EPS15L1: variants seen among roughly 807,000 people sequenced by gnomAD.
EPS15L1 encodes the protein epidermal growth factor receptor substrate 15-like 1.
Under a neutral mutation model 117.1 loss-of-function variants are expected in EPS15L1, and 43 were observed. The ratio of observed to expected loss-of-function variants is 0.37; its 90% CI spans 0.29 to 0.47. EPS15L1 has a LOEUF of 0.47. Ranked by LOEUF, EPS15L1 falls within the 20% of genes least tolerant of loss-of-function variation. EPS15L1 has a pLI of 0.99. For missense variants in EPS15L1, 981 were observed against 1,164.0 expected (o/e 0.84, Z 2.29); for synonymous variants, 459 against 470.5 (o/e 0.98, Z 0.32).
intron 20 of EPS15L1, among the ~76,000 whole-genome samples, 179 bp from the exon 21 acceptor site, chr19:16,385,390 T>A (rs2092409754): frequency 6.6e-6 from 1 of 152,168 alleles, no homozygotes; most frequent in Non-Finnish European, 1.5e-5. Flanking sequence ...CACTCTGGCA[T>A]GGCAAGACGG....
intron 13 of EPS15L1, chr19:16,412,706 C>G (rs1452743272): frequency 3.6e-5 from 2 of 55,794 alleles, no homozygotes; most frequent in Non-Finnish European, 3.0e-5. Flanking sequence ...ACCGGTGCAG[C>G]GGGGGGTGGG....
chr19:16,432,838 G>A (rs1168987880), intron 7 of EPS15L1, among the ~76,000 whole-genome samples: 3 of 152,018 alleles, frequency 2.0e-5, no homozygotes, highest in Non-Finnish European at 4.4e-5. Flanking sequence ...GTCTCAATCC[G>A]GTTGCCCTGG....
chr19:16,468,735 A>G (rs2145214159), intron 1 of EPS15L1, among the ~76,000 whole-genome samples: 1 of 152,344 alleles, frequency 6.6e-6, no homozygotes, highest in South Asian at 2.1e-4. Flanking sequence ...AATCCTAGCC[A>G]GATGCAGTGG....
intron 4 of EPS15L1, among the ~76,000 whole-genome samples, chr19:16,439,423 G>A (rs1157972799): frequency 2.0e-5 from 3 of 152,144 alleles, no homozygotes; most frequent in Non-Finnish European, 4.4e-5. Context: ...CGGGCACGGT[G>A]GCTCATGCCT....
At chr19:16,392,980 T>C (rs965898794) in intron 18 of EPS15L1, among the ~76,000 whole-genome samples, 3 of 151,802 alleles carry the variant, frequency 2.0e-5, no homozygotes, top group Non-Finnish European at 4.4e-5. Flanking sequence ...AGGTCAAGGC[T>C]GCAGTGAGCT....
chr19:16,455,890 C>A (rs1029835433), intron 1 of EPS15L1, among the ~76,000 whole-genome samples: 2 of 152,150 alleles, frequency 1.3e-5, no homozygotes, highest in Non-Finnish European at 2.9e-5. Flanking sequence ...TACTGACCTC[C>A]CCCCACCCTT....
chr19:16,356,059 G>C (rs1360019327), intron 23 of EPS15L1, among the ~76,000 whole-genome samples: 1 of 152,256 alleles, frequency 6.6e-6, no homozygotes, highest in Non-Finnish European at 1.5e-5. Flanking sequence ...GAGTGGACGG[G>C]ATGCATGTGA....
chr19:16,449,737 G>GT (rs1202545869), intron 1 of EPS15L1, among the ~76,000 whole-genome samples: 1 of 152,092 alleles, frequency 6.6e-6, no homozygotes, highest in Non-Finnish European at 1.5e-5. Context: ...CTCCAAACTG[G>GT]TAACACCCCG....
rs576275209 is a variant in EPS15L1, at chr19:16,381,730, G to A, written c.2247+3399C>T. 2.0e-5 allele frequency among the ~76,000 whole-genome samples: 3 copies of A among 152,330 alleles called. No homozygotes were observed. Among genetic ancestry groups the A allele is most frequent in the East Asian group, 1.9e-4 (1 of 5,182 alleles). ...CTGCAGCTTAGCTTTAAAATGGGCC[G>A]TTTAGGGTCGGCTGTTTGGGAAAGA... On this transcript the variant is annotated intron_variant, in intron 21 of 23. Coordinates refer to ENST00000455140, the MANE Select transcript of EPS15L1 (RefSeq NM_001258374.3). The surrounding 1 kb of genome is among the most constrained non-coding windows in gnomAD (Gnocchi z 4.2).
chr19:16,425,657 G>C (rs1485337470), intron 8 of EPS15L1, among the ~76,000 whole-genome samples: 1 of 152,172 alleles, frequency 6.6e-6, no homozygotes, highest in Non-Finnish European at 1.5e-5. Flanking sequence ...CCAGAAGAGA[G>C]ACCTGTACTT....
chr19:16,436,836 A>G, intron 6 of EPS15L1, 101 bp downstream of exon 6: 1 of 957,496 alleles, frequency 1.0e-6, no homozygotes, highest in Non-Finnish European at 1.6e-6. Flanking sequence ...AATGTTCTGA[A>G]CAACATCAAA....
At chr19:16,367,497 TAAAAAAAAAAAA>T (rs71178691) in intron 22 of EPS15L1, among the ~76,000 whole-genome samples, 8 of 65,304 alleles carry the variant, frequency 1.2e-4, no homozygotes, top group East Asian at 1.0e-3. Flanking sequence ...TATGTGCTGT[TAAAAAAAAAAAA>T]AAAAAAAAAA....
chr19:16,397,382 G>A (rs8102323), intron 16 of EPS15L1, among the ~76,000 whole-genome samples: 1,792 of 152,232 alleles, frequency 0.012, 34 homozygotes, highest in African/African-American at 0.041. Context: ...GAGCCACCGC[G>A]CCCGGCTGTT....
At chr19:16,446,837 C>A (rs2093087862) in intron 1 of EPS15L1, among the ~76,000 whole-genome samples, 1 of 152,186 alleles carries the variant, frequency 6.6e-6, no homozygotes, top group African/African-American at 2.4e-5. Context: ...TATAAATGGA[C>A]TTGAAAGCCA....
intron 19 of EPS15L1, among the ~76,000 whole-genome samples, chr19:16,391,098 T>C (rs1475648487): frequency 6.6e-6 from 1 of 152,108 alleles, no homozygotes; most frequent in East Asian, 1.9e-4. Flanking sequence ...AATTGAACCA[T>C]CGTAAGTCAG....
chr19:16,360,577 A>C (rs1443673938), intron 23 of EPS15L1, among the ~76,000 whole-genome samples: 1 of 150,544 alleles, frequency 6.6e-6, no homozygotes, highest in African/African-American at 2.5e-5. Context: ...CCCTACCTCT[A>C]CAAAAAAAAA....
At chr19:16,422,527 C>T (rs1189704492) in intron 9 of EPS15L1, among the ~76,000 whole-genome samples, 8 of 152,106 alleles carry the variant, frequency 5.3e-5, no homozygotes, top group African/African-American at 1.9e-4. Context: ...AGAAAAAGGA[C>T]AGGCAAATGT....
intron 16 of EPS15L1, among the ~76,000 whole-genome samples, chr19:16,398,860 C>G (rs1283519258): frequency 1.3e-5 from 2 of 152,180 alleles, no homozygotes; most frequent in Non-Finnish European, 2.9e-5. Context: ...GACACCCAAT[C>G]AGCATAGCAC....
At chr19:16,396,538 A>G (rs1479046093) in intron 16 of EPS15L1, among the ~76,000 whole-genome samples, 1 of 152,200 alleles carries the variant, frequency 6.6e-6, no homozygotes. Flanking sequence ...TACTGGGATT[A>G]TAGGCATGAG....
Sources: gnomAD v4.1 joint callset for allele counts (sites outside exome capture counted in the v4.1 genomes callset) on GRCh38, gnomAD v4.1.1 for gene constraint, Gnocchi (gnomAD v3.1) non-coding constraint, MANE v1.5 for transcripts, NCBI Gene and HGNC (gene_info 2026-07-23, HGNC 2026-07-21) for gene names.